The following GPC5 variants were observed in gnomAD, a reference collection of about 807,000 sequenced individuals.
GPC5 encodes glypican-5.
A neutral mutation model predicts 53.9 loss-of-function variants in GPC5; 47 were observed. The ratio of observed to expected loss-of-function variants is 0.87; its 90% CI spans 0.69 to 1.11. The LOEUF (loss-of-function observed/expected upper bound fraction) is 1.11. Among genes scored for constraint, GPC5 ranks in the 50% most tolerant of loss-of-function variants. The probability of loss-of-function intolerance (pLI) is 0.00; values close to 1 mark genes in which losing one functional copy is unlikely to be tolerated. For missense variants in GPC5, 748 were observed against 713.1 expected, an observed-to-expected ratio of 1.05 and a Z score of -0.56; for synonymous variants, 286 against 263.3, an observed-to-expected ratio of 1.09 and a Z score of -0.84.
chr13:92,114,400 G>A (rs1039366619), intron 6 of GPC5, among the ~76,000 whole-genome samples: 1 of 152,262 alleles, frequency 6.6e-6, no homozygotes, highest in Admixed American at 6.5e-5. Context: ...CACACCAAGA[G>A]TGGAAGCATT....
intron 7 of GPC5, among the ~76,000 whole-genome samples, chr13:92,640,661 G>C (rs1885565849): frequency 2.6e-5 from 4 of 152,118 alleles, no homozygotes; most frequent in Admixed American, 2.6e-4. Context: ...GATGAATCTG[G>C]AACACCTTTT....
At chr13:92,747,656 G>T (rs911766274) in intron 7 of GPC5, among the ~76,000 whole-genome samples, 1 of 152,130 alleles carries the variant, frequency 6.6e-6, no homozygotes, top group Non-Finnish European at 1.5e-5. Context: ...ATTGTAACTT[G>T]TCAGATGCAA....
intron 1 of GPC5, among the ~76,000 whole-genome samples, chr13:91,419,319 A>G (rs867079747): frequency 1.3e-5 from 2 of 152,178 alleles, no homozygotes; most frequent in Admixed American, 6.6e-5. Flanking sequence ...AAGCATAAAA[A>G]TAATCCCCAA....
In GPC5 at chr13:92,152,664, G is replaced by A. The variant is rs537035369; in HGVS notation, c.1561+7675G>A. On this transcript the variant is annotated intron_variant, in intron 7 of 7. Transcript: ENST00000377067. ...TGAGGCAGGAGAATGGTGTGAACCC[G>A]GGAGGCCGAGCTTGCAGTGAGCCCA... 5.9e-5 allele frequency among the ~76,000 whole-genome samples: 9 copies of A among 151,570 alleles called. No homozygotes were observed. The East Asian group carries it at 1.6e-3, about 26-fold the overall frequency.
chr13:92,142,450 A>T (rs1370570690), intron 6 of GPC5, among the ~76,000 whole-genome samples: 1 of 152,226 alleles, frequency 6.6e-6, no homozygotes, highest in Non-Finnish European at 1.5e-5. Flanking sequence ...TTTCTTAAAA[A>T]TTTGAGTTCA....
intron 7 of GPC5, among the ~76,000 whole-genome samples, chr13:92,347,125 T>G (rs1175390297): frequency 1.3e-5 from 2 of 151,962 alleles, no homozygotes; most frequent in Non-Finnish European, 2.9e-5. Flanking sequence ...AGAGCATATT[T>G]AAAGAAATAA....
chr13:92,790,920 G>C (rs1566419967), intron 7 of GPC5, among the ~76,000 whole-genome samples: 1 of 152,152 alleles, frequency 6.6e-6, no homozygotes, highest in East Asian at 1.9e-4. Flanking sequence ...AAAAAACAAA[G>C]AAATGTTGAG....
chr13:92,285,116 A>C (rs576699944), intron 7 of GPC5, among the ~76,000 whole-genome samples: 14 of 152,184 alleles, frequency 9.2e-5, no homozygotes, highest in African/African-American at 3.1e-4. Flanking sequence ...ACAGAGCCAA[A>C]TCATGAGTGA....
chr13:91,879,757 A>G lies in GPC5; in HGVS notation c.1281-28180A>G, dbSNP rs2039244381. 2.0e-5 allele frequency among the ~76,000 whole-genome samples: 3 copies of G among 152,210 alleles called. No individual in the cohort carries two copies. In the South Asian group the frequency reaches 6.2e-4, roughly 31 times the overall value. On this transcript the variant is annotated intron_variant, in intron 5 of 7. Transcript: ENST00000377067. ...ATGTCTGTAGCAGTAAATGTACAAT[A>G]TAAAGTAAATAAACAGCTTTATTGT...
At chr13:92,158,609 A>G (rs1180654623) in intron 7 of GPC5, among the ~76,000 whole-genome samples, 1 of 151,956 alleles carries the variant, frequency 6.6e-6, no homozygotes, top group African/African-American at 2.4e-5. Flanking sequence ...CGCATTTAAT[A>G]AGACCCATTG....
rs962097098 is a variant in GPC5, at chr13:92,404,502, T to C, written c.1561+259513T>C. On this transcript the variant is annotated intron_variant, in intron 7 of 7. Coordinates refer to ENST00000377067, the MANE Select transcript of GPC5 (RefSeq NM_004466.6). The stretch of plus-strand genomic sequence containing the variant: ...GAACTCTGTATCCAGCAGAATGCCT[T>C]GCACAAAGTGAGTGCATAATATTCC... Among the ~76,000 whole-genome samples, 11 of 152,236 alleles carry C rather than the reference T, an allele frequency of 7.2e-5. No homozygotes were observed. The East Asian group carries it at 7.7e-4, about 11-fold the overall frequency.
chr13:91,785,175 T>C (rs2037859485), intron 5 of GPC5, among the ~76,000 whole-genome samples: 1 of 152,212 alleles, frequency 6.6e-6, no homozygotes, highest in African/African-American at 2.4e-5. Context: ...GCTCAGGCTT[T>C]TGTTCTGTTC....
At chr13:92,047,704 G>A (rs948283531) in intron 6 of GPC5, among the ~76,000 whole-genome samples, 9 of 148,382 alleles carry the variant, frequency 6.1e-5, no homozygotes, top group African/African-American at 1.2e-4. Context: ...AAGAAATGAC[G>A]TATTTCCTGT....
intron 2 of GPC5, among the ~76,000 whole-genome samples, chr13:91,475,450 CA>C (rs935309237): frequency 2.6e-5 from 4 of 152,174 alleles, no homozygotes; most frequent in African/African-American, 4.8e-5. Flanking sequence ...GGTCAAAAAG[CA>C]TATGGTTTAT....
intron 6 of GPC5, among the ~76,000 whole-genome samples, chr13:91,923,320 G>A (rs1247278121): frequency 1.3e-5 from 2 of 152,156 alleles, no homozygotes; most frequent in African/African-American, 2.4e-5. Flanking sequence ...TAGTTTGTCA[G>A]AGCAGAGCAA....
chr13:92,405,551 A>G (rs1875755827), intron 7 of GPC5, among the ~76,000 whole-genome samples: 1 of 152,248 alleles, frequency 6.6e-6, no homozygotes, highest in Non-Finnish European at 1.5e-5. Context: ...TAACATGAAC[A>G]TTGAGTCTGC....
intron 7 of GPC5, among the ~76,000 whole-genome samples, chr13:92,531,910 T>C (rs546408605): frequency 4.3e-4 from 65 of 152,164 alleles, no homozygotes; most frequent in Non-Finnish European, 5.4e-4. Context: ...ACATTTTTCA[T>C]TTAAAAGTAA....
At chr13:91,630,099 T>A (rs992171975) in intron 2 of GPC5, among the ~76,000 whole-genome samples, 1 of 152,176 alleles carries the variant, frequency 6.6e-6, no homozygotes, top group Non-Finnish European at 1.5e-5. Flanking sequence ...TGTAGCTATA[T>A]TTCTATTAAA....
At chr13:91,962,016 C>G (rs9301765) in intron 6 of GPC5, among the ~76,000 whole-genome samples, 96,271 of 151,994 alleles carry the variant, frequency 0.63, 31,047 homozygotes, top group East Asian at 0.75. Context: ...AAAGTAGCAA[C>G]TGATTCATAA....
Sources: gnomAD v4.1 joint callset for allele counts (sites outside exome capture counted in the v4.1 genomes callset) on GRCh38, gnomAD v4.1.1 for gene constraint, MANE v1.5 for transcripts, NCBI Gene and HGNC (gene_info 2026-07-23, HGNC 2026-07-21) for gene names.